Variants in SLCO6A1 observed in about 807,000 individuals in gnomAD.
The protein encoded by SLCO6A1 is cancer/testis antigen 48.
In SLCO6A1, 65 loss-of-function variants were observed where a neutral mutation model predicts 72.7. The ratio of observed to expected loss-of-function variants is 0.89; its 90% CI spans 0.73 to 1.10. The LOEUF (loss-of-function observed/expected upper bound fraction) is 1.10, where lower values mean the gene tolerates loss of function less well. Among genes scored for constraint, SLCO6A1 ranks in the 50% least tolerant of loss-of-function variants. SLCO6A1 has a pLI of 0.00. For missense variants in SLCO6A1, 874 were observed against 872.6 expected (o/e 1.00, Z -0.02); for synonymous variants, 314 against 298.2 (o/e 1.05, Z -0.55).
At chr5:102,433,316 G>A (rs1433434972) in intron 7 of SLCO6A1, among the ~76,000 whole-genome samples, 1 of 152,188 alleles carries the variant, frequency 6.6e-6, no homozygotes, top group Admixed American at 6.5e-5. Context: ...AACTAGTGAG[G>A]TTGTTTGAAG....
In SLCO6A1 at chr5:102,477,877, T is replaced by C. The variant is rs1286041601; in HGVS notation, c.617-16A>G. ...TCGCAAATATCTTTTGAAAATACAA[T>C]GATTATATTTTTGTTAATTGAACTC... On this transcript the variant is annotated splice_polypyrimidine_tract_variant and intron_variant, in intron 2 of 13. Transcript: ENST00000506729. 4 of 1,577,064 alleles carry C rather than the reference T, an allele frequency of 2.5e-6. No individual in the cohort carries two copies. Among genetic ancestry groups the C allele is most frequent in the Non-Finnish European group, 3.5e-6 (4 of 1,158,928 alleles).
At chr5:102,484,649 A>G (rs1381363902) in intron 1 of SLCO6A1, among the ~76,000 whole-genome samples, 1 of 148,748 alleles carries the variant, frequency 6.7e-6, no homozygotes, top group African/African-American at 2.5e-5. Flanking sequence ...AGACTCTGTC[A>G]AAAAAAAAAG....
At position 102,422,615 on chromosome 5, in the gene SLCO6A1, T is replaced by C. The variant is rs144167781; in HGVS notation, c.1277-2594A>G. Among the ~76,000 whole-genome samples the C allele has an allele frequency of 9.1e-4, 138 of 152,246 alleles. No homozygotes were observed. In the East Asian group the frequency reaches 0.024, roughly 27 times the overall value. ...GAATGAACAAAGCCTAAAAGATATA[T>C]GGGACTCTATGAAAAGACCAAACCT... On this transcript the variant is annotated intron_variant, in intron 7 of 13. Coordinates refer to ENST00000506729, the MANE Select transcript of SLCO6A1 (RefSeq NM_173488.5).
chr5:102,412,441 C>T (rs908199357), intron 9 of SLCO6A1, among the ~76,000 whole-genome samples: 2 of 152,072 alleles, frequency 1.3e-5, no homozygotes, highest in Non-Finnish European at 2.9e-5. Context: ...TTTCCATAAG[C>T]TCTTTGTATT....
At chr5:102,428,919 T>C (rs1199187532) in intron 7 of SLCO6A1, among the ~76,000 whole-genome samples, 1 of 152,192 alleles carries the variant, frequency 6.6e-6, no homozygotes, top group East Asian at 1.9e-4. Flanking sequence ...CCACCAGCAG[T>C]GTATAAGCAT....
At chr5:102,498,095 T>C (rs1423397766) in intron 1 of SLCO6A1, among the ~76,000 whole-genome samples, 2 of 152,220 alleles carry the variant, frequency 1.3e-5, no homozygotes, top group East Asian at 3.9e-4. Context: ...CTGACCAACC[T>C]GACCAATCAG....
intron 6 of SLCO6A1, among the ~76,000 whole-genome samples, chr5:102,449,460 C>T (rs1299999077): frequency 6.6e-6 from 1 of 151,654 alleles, no homozygotes; most frequent in African/African-American, 2.4e-5. Context: ...AATCTCGGCT[C>T]ACTGCAAGCT....
At chr5:102,481,264 G>A (rs1020239765) in intron 1 of SLCO6A1, among the ~76,000 whole-genome samples, 2 of 151,974 alleles carry the variant, frequency 1.3e-5, no homozygotes, top group African/African-American at 4.8e-5. Flanking sequence ...GGAGCCCACA[G>A]TCTTCCTATG....
At chr5:102,389,450 CCA>C (rs1446323165) in intron 11 of SLCO6A1, among the ~76,000 whole-genome samples, 4 of 65,004 alleles carry the variant, frequency 6.2e-5, no homozygotes, top group African/African-American at 2.1e-4. Context: ...ACCCCGCCCC[CCA>C]CCCCCACACA....
At chr5:102,413,484 T>G (rs1414739375) in intron 8 of SLCO6A1, among the ~76,000 whole-genome samples, 1 of 152,174 alleles carries the variant, frequency 6.6e-6, no homozygotes, top group Non-Finnish European at 1.5e-5. Context: ...CTGATCTACT[T>G]TCTGTTACTA....
chr5:102,488,283 C>T (rs1053693313), intron 1 of SLCO6A1, among the ~76,000 whole-genome samples: 4 of 152,042 alleles, frequency 2.6e-5, no homozygotes, highest in African/African-American at 9.7e-5. Context: ...AAACAAATCT[C>T]AATGTTTTCA....
Position 102,498,685 on chromosome 5 carries a change from G to A in SLCO6A1, c.160C>T (p.Leu54Phe). Reference protein sequence around the residue: ...PGKKHRYLRLLPEALIRFGGF... With the variant: ...PGKKHRYLRLFPEALIRFGGF... ...CCGAACCTTATCAAGGCCTCTGGAAGTAGTCTCAGATACCGGTGTTTTTTC... is the reference window on the plus strand; with the variant it reads ...CCGAACCTTATCAAGGCCTCTGGAAATAGTCTCAGATACCGGTGTTTTTTC... The change falls in exon 1 of 14, where the codon CTT (leucine) becomes TTT (phenylalanine). Residue 54 changes from leucine to phenylalanine, a missense_variant. Transcript: ENST00000506729. 1.9e-6 allele frequency: 3 copies of A among 1,614,204 alleles called. No homozygotes were observed. Among genetic ancestry groups the A allele is most frequent in the Non-Finnish European group, 2.5e-6 (3 of 1,180,036 alleles).
At chr5:102,412,628 G>C (rs2112587268) in intron 9 of SLCO6A1, among the ~76,000 whole-genome samples, 1 of 152,142 alleles carries the variant, frequency 6.6e-6, no homozygotes, top group East Asian at 1.9e-4. Flanking sequence ...GTGTGCGGTG[G>C]TGTGCGCCTG....
At chr5:102,482,203 C>A (rs1752230855) in intron 1 of SLCO6A1, among the ~76,000 whole-genome samples, 2 of 151,762 alleles carry the variant, frequency 1.3e-5, no homozygotes. Flanking sequence ...TCTCTACCTT[C>A]CATAAAGTAT....
intron 10 of SLCO6A1, among the ~76,000 whole-genome samples, chr5:102,396,019 T>C (rs1239579001): frequency 6.6e-6 from 1 of 152,068 alleles, no homozygotes; most frequent in Non-Finnish European, 1.5e-5. Context: ...GTAGTTTCTT[T>C]TGCTGTGCAG....
At chr5:102,407,043 G>A (rs938836067) in intron 9 of SLCO6A1, among the ~76,000 whole-genome samples, 3 of 152,186 alleles carry the variant, frequency 2.0e-5, no homozygotes, top group East Asian at 1.9e-4. Flanking sequence ...AGGACTGTAA[G>A]TTGATAAGGA....
Position 102,473,907 on chromosome 5 carries a change from T to C in SLCO6A1, c.899+1790A>G, listed in dbSNP as rs548613666. The stretch of plus-strand genomic sequence containing the variant: ...AACTATAAAACATTATTGAAAAAAA[T>C]TAAAGACACAAATAGATGTAAAGCG... On this transcript the variant is annotated intron_variant, in intron 4 of 13. Transcript: ENST00000506729. Among the ~76,000 whole-genome samples the C allele has an allele frequency of 3.3e-5, 5 of 151,822 alleles. No individual in the cohort carries two copies. The South Asian group carries it at 1.0e-3, about 32-fold the overall frequency.
At chr5:102,397,268 C>T (rs2112541567) in intron 10 of SLCO6A1, among the ~76,000 whole-genome samples, 1 of 152,184 alleles carries the variant, frequency 6.6e-6, no homozygotes, top group Non-Finnish European at 1.5e-5. Context: ...TCTACTTACT[C>T]ATTTTTGAAT....
At chr5:102,426,624 T>C (rs922432524) in intron 7 of SLCO6A1, among the ~76,000 whole-genome samples, 1 of 152,198 alleles carries the variant, frequency 6.6e-6, no homozygotes, top group African/African-American at 2.4e-5. Flanking sequence ...AAACAACAGA[T>C]GCTGGCAAGA....
Sources: allele counts gnomAD v4.1 joint callset (sites outside exome capture counted in the v4.1 genomes callset), GRCh38; gene constraint gnomAD v4.1.1; transcripts MANE v1.5; gene names NCBI Gene and HGNC (gene_info 2026-07-23, HGNC 2026-07-21).